PARD3B: variants seen among roughly 807,000 people sequenced by gnomAD.
The protein encoded by PARD3B is partitioning defective 3 homolog B.
A neutral mutation model predicts 130.2 loss-of-function variants in PARD3B; 103 were observed. The observed-to-expected ratio is 0.79, with a 90% CI of 0.67 to 0.93. The LOEUF is 0.93. Among genes scored for constraint, PARD3B ranks in the 40% least tolerant of loss-of-function variants. The pLI is 0.00. For synonymous variants in PARD3B, 583 were observed against 553.2 expected, an observed-to-expected ratio of 1.05 and a Z score of -0.76; for missense variants, 1,609 against 1,499.2, an observed-to-expected ratio of 1.07 and a Z score of -1.21.
rs562046450 is a variant in PARD3B, at chr2:204,581,012, A to G, written c.120+34893A>G. ...TTTGAAAAGCTTTATTTCCTTTGCT[A>G]ACTACCAGATGGGATATTATAGTTA... is the stretch of plus-strand genomic sequence containing the variant. On this transcript the variant is annotated intron_variant, in intron 1 of 22. Transcript: ENST00000406610. Among the ~76,000 whole-genome samples the G allele has an allele frequency of 4.6e-5, 7 of 152,334 alleles. No homozygotes were observed. The East Asian group carries it at 1.3e-3, about 29-fold the overall frequency.
At chr2:204,819,174 GT>G (rs907728166) in intron 2 of PARD3B, among the ~76,000 whole-genome samples, 1 of 152,080 alleles carries the variant, frequency 6.6e-6, no homozygotes, top group East Asian at 1.9e-4. Context: ...TAGATATTGT[GT>G]TTTTTTGCAA....
chr2:205,307,195 G>T (rs1038746634), intron 18 of PARD3B, among the ~76,000 whole-genome samples: 7 of 152,124 alleles, frequency 4.6e-5, no homozygotes, highest in Admixed American at 6.5e-5. Context: ...ATATTAGCTG[G>T]TCCATTTGTG....
At position 205,591,248 on chromosome 2, in the gene PARD3B, T is replaced by C. The variant is rs2054376276; in HGVS notation, c.3261-24208T>C. On this transcript the variant is annotated intron_variant, in intron 22 of 22. Transcript: ENST00000406610. This position sits in a 1 kb window ranked among gnomAD's most constrained non-coding sequence, Gnocchi z 4.2. ...TTTAGTGTATTTTGTATAAGTTTTT[T>C]CAATGAACATAGTCCATACATTTTG... Among the ~76,000 whole-genome samples, 1 of 152,210 alleles carries C rather than the reference T, an allele frequency of 6.6e-6. No individual in the cohort carries two copies. Among genetic ancestry groups the C allele is most frequent in the Non-Finnish European group, 1.5e-5 (1 of 68,038 alleles).
rs71032484 is a variant in PARD3B, at chr2:205,542,144, CAAAAAAAAAAAA to C, written c.3181-11162_3181-11151del. On this transcript the variant is annotated intron_variant, in intron 21 of 22. Transcript: ENST00000406610. Reference sequence around the variant, plus strand: ...GGCAACAAGAGTGAAACTCCGTCTCCAAAAAAAAAAAAAAAAAAAAAAAAAAAAAGTATATGT... The same window carrying C: ...GGCAACAAGAGTGAAACTCCGTCTCCAAAAAAAAAAAAAAAAAGTATATGT... Among the ~76,000 whole-genome samples the C allele has an allele frequency of 3.2e-4, 12 of 38,058 alleles. 1 individual carries two copies. The highest frequency in any genetic ancestry group is 1.6e-3 in the South Asian group (1 of 628). The allele number at this position is 38,058 out of a possible 152,430, so 25.0% of individuals were successfully genotyped here. A position where few individuals can be genotyped will look rare whatever the true frequency, so the allele number is the denominator to read the frequency against.
At chr2:204,676,470 A>C (rs920946605) in intron 1 of PARD3B, among the ~76,000 whole-genome samples, 1 of 151,994 alleles carries the variant, frequency 6.6e-6, no homozygotes, top group Non-Finnish European at 1.5e-5. Flanking sequence ...TTCCTCTTTC[A>C]AGAGCTCAAA....
chr2:204,963,572 A>G (rs1213262964), intron 2 of PARD3B, among the ~76,000 whole-genome samples: 3 of 152,194 alleles, frequency 2.0e-5, no homozygotes, highest in East Asian at 3.8e-4. Context: ...AAGTTATTAT[A>G]TAACAGAAAT....
At chr2:204,794,511 C>T (rs1465279146) in intron 2 of PARD3B, among the ~76,000 whole-genome samples, 1 of 152,050 alleles carries the variant, frequency 6.6e-6, no homozygotes, top group Non-Finnish European at 1.5e-5. Context: ...GTGGTGGAAA[C>T]ACTTTGACGT....
At chr2:204,920,061 A>G (rs2047608671) in intron 2 of PARD3B, among the ~76,000 whole-genome samples, 1 of 152,198 alleles carries the variant, frequency 6.6e-6, no homozygotes, top group African/African-American at 2.4e-5. Context: ...TCTTTCATGC[A>G]TAATGGATGG....
chr2:204,998,904 A>G (rs954909798), intron 3 of PARD3B, among the ~76,000 whole-genome samples: 3 of 152,028 alleles, frequency 2.0e-5, no homozygotes, highest in African/African-American at 7.2e-5. Flanking sequence ...AGTAGAGACA[A>G]GGTTTCAGTG....
intron 4 of PARD3B, among the ~76,000 whole-genome samples, chr2:205,086,174 A>G (rs936700584): frequency 2.6e-5 from 4 of 152,210 alleles, no homozygotes; most frequent in Admixed American, 6.5e-5. Flanking sequence ...TGGCATTTCT[A>G]ATCTCACTTA....
At chr2:205,107,776 T>G (rs1314855986) in intron 5 of PARD3B, among the ~76,000 whole-genome samples, 2 of 152,220 alleles carry the variant, frequency 1.3e-5, no homozygotes, top group Non-Finnish European at 2.9e-5. Flanking sequence ...TCCAAATAGT[T>G]TTACAATATG....
chr2:204,951,472 T>C (rs1297307593), intron 2 of PARD3B, among the ~76,000 whole-genome samples: 1 of 152,178 alleles, frequency 6.6e-6, no homozygotes, highest in Non-Finnish European at 1.5e-5. Flanking sequence ...ATCTGTTATC[T>C]CATTGAAACA....
At chr2:205,472,361 GA>G (rs2048865288) in intron 20 of PARD3B, among the ~76,000 whole-genome samples, 1 of 150,648 alleles carries the variant, frequency 6.6e-6, no homozygotes, top group East Asian at 1.9e-4. Flanking sequence ...TAGCACCCAA[GA>G]CATACTTTTT....
intron 22 of PARD3B, among the ~76,000 whole-genome samples, chr2:205,606,767 C>T (rs1207221736): frequency 6.6e-6 from 1 of 152,142 alleles, no homozygotes; most frequent in East Asian, 1.9e-4. Context: ...TGTTGTTTAT[C>T]TCTTCAGATG....
chr2:205,098,261 T>C (rs542609226), intron 4 of PARD3B, among the ~76,000 whole-genome samples: 9 of 152,302 alleles, frequency 5.9e-5, no homozygotes, highest in African/African-American at 2.2e-4. Flanking sequence ...CTTTTCAGAA[T>C]GCAAATCTTG....
At chr2:204,936,832 T>C (rs1162206250) in intron 2 of PARD3B, among the ~76,000 whole-genome samples, 1 of 152,240 alleles carries the variant, frequency 6.6e-6, no homozygotes, top group East Asian at 1.9e-4. Context: ...AAAACTGCCA[T>C]ATGGGCATGA....
At chr2:204,879,170 G>A (rs1337753020) in intron 2 of PARD3B, among the ~76,000 whole-genome samples, 1 of 152,104 alleles carries the variant, frequency 6.6e-6, no homozygotes, top group Non-Finnish European at 1.5e-5. Context: ...TTAAAAAATT[G>A]CAAATGTAAA....
At chr2:205,191,718 C>T (rs1463343966) in intron 14 of PARD3B, among the ~76,000 whole-genome samples, 3 of 152,300 alleles carry the variant, frequency 2.0e-5, no homozygotes, top group African/African-American at 4.8e-5. Flanking sequence ...TAATTTTACT[C>T]ATTTTATACA....
At chr2:205,379,494 C>A (rs1337751575) in intron 18 of PARD3B, among the ~76,000 whole-genome samples, 1 of 151,560 alleles carries the variant, frequency 6.6e-6, no homozygotes, top group Non-Finnish European at 1.5e-5. Flanking sequence ...AAAAAAAAAG[C>A]AAACATAGAC....
Sources: gnomAD v4.1 joint callset for allele counts (sites outside exome capture counted in the v4.1 genomes callset) on GRCh38, gnomAD v4.1.1 for gene constraint, Gnocchi (gnomAD v3.1) non-coding constraint, MANE v1.5 for transcripts, NCBI Gene and HGNC (gene_info 2026-07-23, HGNC 2026-07-21) for gene names.